The following NT5DC1 variants were observed in gnomAD, a reference collection of about 807,000 sequenced individuals.
NT5DC1 encodes 5'-nucleotidase domain-containing protein 1.
NT5DC1 carries 42 observed loss-of-function variants against 59.4 expected under a neutral mutation model. That is an observed-to-expected ratio of 0.71 (90% CI 0.55 to 0.92). The LOEUF (loss-of-function observed/expected upper bound fraction) is 0.92. NT5DC1 is among the 40% of genes least tolerant of loss of function. NT5DC1 has a pLI of 0.00. For missense variants in NT5DC1, 501 were observed against 537.1 expected, an observed-to-expected ratio of 0.93 and a Z score of 0.66; for synonymous variants, 172 against 188.1, an observed-to-expected ratio of 0.91 and a Z score of 0.70.
intron 11 of NT5DC1, among the ~76,000 whole-genome samples, chr6:116,240,131 G>T (rs1373191323): frequency 1.3e-5 from 2 of 152,126 alleles, no homozygotes; most frequent in Non-Finnish European, 2.9e-5. Context: ...AGACATAAAA[G>T]ATATAGTGAG....
chr6:116,225,744 G>T (rs1451419261), intron 8 of NT5DC1, among the ~76,000 whole-genome samples: 1 of 152,216 alleles, frequency 6.6e-6, no homozygotes, highest in Non-Finnish European at 1.5e-5. Context: ...GGCAGTCAAA[G>T]AATTGAGGTT....
chr6:116,160,737 A>G (rs1780307097), intron 6 of NT5DC1, among the ~76,000 whole-genome samples: 1 of 152,154 alleles, frequency 6.6e-6, no homozygotes, highest in Non-Finnish European at 1.5e-5. Context: ...TTCTTCTAGT[A>G]TAATATTTAT....
intron 6 of NT5DC1, among the ~76,000 whole-genome samples, chr6:116,168,746 A>C (rs1780538208): frequency 1.3e-5 from 2 of 151,966 alleles, no homozygotes; most frequent in African/African-American, 4.8e-5. Flanking sequence ...ATTACTTTCT[A>C]CAGAGAGTAC....
rs1361574475 is a variant in NT5DC1, at chr6:116,220,160, C to A, written c.530-894C>A. Among the ~76,000 whole-genome samples the A allele has an allele frequency of 3.1e-5, 3 of 97,200 alleles. No individual in the cohort carries two copies. The South Asian group carries it at 9.3e-4, about 30-fold the overall frequency. 63.8% of individuals were successfully genotyped at this position (97,200 alleles called of 152,430 possible). A position where few individuals can be genotyped will look rare whatever the true frequency, so the allele number is the denominator to read the frequency against. On this transcript the variant is annotated intron_variant, in intron 6 of 11. Coordinates refer to ENST00000319550, the MANE Select transcript of NT5DC1 (RefSeq NM_152729.3). The stretch of plus-strand genomic sequence containing the variant: ...TTTTTTTTTTTGTCTATGCATGTGT[C>A]CTTTTCCTAACAATTAGAGAAAGTA...
rs368675402 is a variant in NT5DC1, at chr6:116,135,872, T to TATATACACACAC, written c.529+17928_529+17929insTATACACACACA. On this transcript the variant is annotated intron_variant, in intron 6 of 11. Coordinates refer to ENST00000319550, the MANE Select transcript of NT5DC1 (RefSeq NM_152729.3). ...ATATATATATATATATATATATATA[T>TATATACACACAC]ACACACATACACACACATTGCTAAA... 1.1e-3 allele frequency among the ~76,000 whole-genome samples: 138 copies of TATATACACACAC among 121,220 alleles called. 1 individual carries two copies. The highest frequency in any genetic ancestry group is 4.7e-3 in the African/African-American group (132 of 28,344). 79.5% of individuals were successfully genotyped at this position (121,220 alleles called of 152,430 possible). A position where few individuals can be genotyped will look rare whatever the true frequency, so the allele number is the denominator to read the frequency against.
intron 6 of NT5DC1, among the ~76,000 whole-genome samples, chr6:116,141,439 A>G (rs1582829913): frequency 6.6e-6 from 1 of 152,276 alleles, no homozygotes; most frequent in African/African-American, 2.4e-5. Flanking sequence ...ATTGTTCAAA[A>G]TAATTCATTG....
At chr6:116,125,348 T>C (rs751978834) in intron 6 of NT5DC1, 1 of 1,613,620 alleles carries the variant, frequency 6.2e-7, no homozygotes, top group Non-Finnish European at 8.5e-7. Flanking sequence ...CCTTTACTCT[T>C]TATGGTGTAG....
At chr6:116,215,097 A>G (rs1781664109) in intron 6 of NT5DC1, among the ~76,000 whole-genome samples, 1 of 152,106 alleles carries the variant, frequency 6.6e-6, no homozygotes, top group Non-Finnish European at 1.5e-5. Context: ...AAGAGTGGAA[A>G]TTATTGCTTT....
chr6:116,237,588 G>C (rs1331536995), intron 9 of NT5DC1: 2 of 449,932 alleles, frequency 4.4e-6, no homozygotes, highest in Non-Finnish European at 8.9e-6. Context: ...CTGACTTGCA[G>C]ATGCTGATTC....
At chr6:116,177,015 A>G (rs756020229) in intron 6 of NT5DC1, among the ~76,000 whole-genome samples, 2 of 152,230 alleles carry the variant, frequency 1.3e-5, no homozygotes, top group Admixed American at 1.3e-4. Context: ...GGGCACATAT[A>G]TGCTACAAAA....
chr6:116,217,029 C>G (rs1220842814), intron 6 of NT5DC1, among the ~76,000 whole-genome samples: 2 of 152,192 alleles, frequency 1.3e-5, no homozygotes, highest in African/African-American at 4.8e-5. Context: ...TCCCCTCGGA[C>G]AGCAGCTTTG....
chr6:116,166,177 C>T lies in NT5DC1; in HGVS notation c.529+48232C>T, dbSNP rs61208527. Among the ~76,000 whole-genome samples, 865 of 152,254 alleles carry T rather than the reference C, an allele frequency of 5.7e-3. 17 individuals are homozygous for T. Among genetic ancestry groups the T allele is most frequent in the South Asian group, 0.046 (223 of 4,830 alleles). On this transcript the variant is annotated intron_variant, in intron 6 of 11. Coordinates refer to ENST00000319550, the MANE Select transcript of NT5DC1 (RefSeq NM_152729.3). ...CTCGGGAGTCAATCTCTGCGAGACT[C>T]TTGCTGCTTTCCTTTTCTGCAACCC... is the stretch of plus-strand genomic sequence containing the variant.
intron 6 of NT5DC1, among the ~76,000 whole-genome samples, chr6:116,200,315 G>T (rs1465582806): frequency 2.0e-5 from 3 of 151,952 alleles, no homozygotes; most frequent in Admixed American, 6.6e-5. Context: ...ACCAGTAAAC[G>T]TAATATGGTA....
chr6:116,187,844 TAAAGGA>T (rs1781035791), intron 6 of NT5DC1, among the ~76,000 whole-genome samples: 2 of 152,012 alleles, frequency 1.3e-5, no homozygotes, highest in African/African-American at 4.8e-5. Flanking sequence ...TGATTGATTG[TAAAGGA>T]AAAGTGAATA....
chr6:116,178,052 A>AGTGTGTGTGTGTGTGTGTGTGTGT (rs61085607), intron 6 of NT5DC1, among the ~76,000 whole-genome samples: 6 of 136,416 alleles, frequency 4.4e-5, no homozygotes, highest in South Asian at 2.5e-4. Context: ...CAAAGAGGAA[A>AGTGTGTGTGTGTGTGTGTGTGTGT]GTGTGTGTGT....
At chr6:116,119,158 A>T (rs552277679) in intron 6 of NT5DC1, 1 of 152,792 alleles carries the variant, frequency 6.5e-6, no homozygotes, top group East Asian at 1.9e-4. Context: ...TAAATAATAT[A>T]TCTCCACTTC....
At chr6:116,145,094 G>A (rs1349811906) in intron 6 of NT5DC1, among the ~76,000 whole-genome samples, 2 of 152,110 alleles carry the variant, frequency 1.3e-5, no homozygotes, top group African/African-American at 4.8e-5. Flanking sequence ...AAAGTTATAG[G>A]ACATAAGAAC....
In NT5DC1 at chr6:116,246,916, T is replaced by C. The variant is rs1771859614; in HGVS notation, c.*2892T>C. ...ATAATAGTAAAACAGTGGTCATGAG[T>C]AGCCTCACTAGGCTACTTCATGTAC... On this transcript the variant is annotated 3_prime_UTR_variant, in exon 12 of 12. Transcript: ENST00000319550. 1 of 152,170 alleles carries C rather than the reference T, an allele frequency of 6.6e-6. No individual in the cohort carries two copies. Among genetic ancestry groups the C allele is most frequent in the African/African-American group, 2.4e-5 (1 of 41,438 alleles). 9.4% of individuals were successfully genotyped at this position (152,170 alleles called of 1,614,324 possible).
At chr6:116,172,637 A>G (rs1200319307) in intron 6 of NT5DC1, among the ~76,000 whole-genome samples, 1 of 152,102 alleles carries the variant, frequency 6.6e-6, no homozygotes, top group Non-Finnish European at 1.5e-5. Flanking sequence ...AGTAACATAT[A>G]TACTTTGTAA....
Sources: allele counts gnomAD v4.1 joint callset (sites outside exome capture counted in the v4.1 genomes callset), GRCh38; gene constraint gnomAD v4.1.1; transcripts MANE v1.5; gene names NCBI Gene and HGNC (gene_info 2026-07-23, HGNC 2026-07-21).